Variants in GRIK3 observed in about 807,000 individuals in gnomAD.
GRIK3 encodes the protein glutamate receptor ionotropic, kainate 3.
Under a neutral mutation model 102.5 loss-of-function variants are expected in GRIK3, and 29 were observed. The observed-to-expected ratio is 0.28, with a 90% CI of 0.21 to 0.39. The LOEUF is 0.39. Among genes scored for constraint, GRIK3 ranks in the 10% least tolerant of loss-of-function variants. The pLI, the probability that GRIK3 is intolerant of heterozygous loss-of-function variation, is 1.00. For synonymous variants in GRIK3, 511 were observed against 504.9 expected (o/e 1.01, Z -0.16); for missense variants, 908 against 1,252.4 (o/e 0.73, Z 4.15).
intron 10 of GRIK3, among the ~76,000 whole-genome samples, chr1:36,838,357 C>T (rs536919935): frequency 1.3e-4 from 20 of 152,124 alleles, no homozygotes; most frequent in African/African-American, 4.3e-4. Context: ...ATTTAAGGTA[C>T]GGATGTGAGT....
rs897554387 is a variant in GRIK3 at position 36,937,326 on chromosome 1, C to T, written c.116-46230G>A. 1.4e-4 allele frequency among the ~76,000 whole-genome samples: 21 copies of T among 152,210 alleles called. 1 individual carries two copies. The highest frequency in any genetic ancestry group is 7.8e-4 in the Admixed American group (12 of 15,288). On this transcript the variant is annotated intron_variant, in intron 1 of 15. Transcript: ENST00000373091. ...CCTAGATGGCTAAGGACAGCCACCA[C>T]GTTCATGGAAGTGGGAAAGTTGAGA...
chr1:36,980,068 T>A (rs1206082965), intron 1 of GRIK3, among the ~76,000 whole-genome samples: 2 of 152,170 alleles, frequency 1.3e-5, no homozygotes, highest in East Asian at 3.9e-4. Flanking sequence ...TCCCTGTGTC[T>A]TTTCCTAGTA....
chr1:37,011,977 A>G (rs1316467808), intron 1 of GRIK3, among the ~76,000 whole-genome samples: 1 of 152,118 alleles, frequency 6.6e-6, no homozygotes, highest in East Asian at 1.9e-4. Context: ...CACCTCCCCC[A>G]TGCCTTGGGC....
chr1:36,906,126 G>T (rs2124289482), intron 1 of GRIK3, among the ~76,000 whole-genome samples: 1 of 152,322 alleles, frequency 6.6e-6, no homozygotes, highest in South Asian at 2.1e-4. Flanking sequence ...GATACCAAAA[G>T]AAGTCAGCAC....
chr1:36,999,136 C>A (rs371345644), intron 1 of GRIK3, among the ~76,000 whole-genome samples: 4 of 151,866 alleles, frequency 2.6e-5, no homozygotes, highest in African/African-American at 9.7e-5. Context: ...AAGTGCCCAA[C>A]GTTGGAGCTC....
At position 36,966,680 on chromosome 1, in the gene GRIK3, T is replaced by C. The variant is rs572016452; in HGVS notation, c.115+67314A>G. Among the ~76,000 whole-genome samples, 5 of 152,020 alleles carry C rather than the reference T, an allele frequency of 3.3e-5. No homozygotes were observed. The East Asian group carries it at 9.6e-4, about 29-fold the overall frequency. On this transcript the variant is annotated intron_variant, in intron 1 of 15. Transcript: ENST00000373091. The stretch of plus-strand genomic sequence containing the variant: ...GTCTCTGGACACCGAGAGATCACTC[T>C]GAATACCACTGAATCCTTGATGGAT...
intron 5 of GRIK3, among the ~76,000 whole-genome samples, chr1:36,862,350 A>T (rs1372898867): frequency 6.6e-6 from 1 of 151,756 alleles, no homozygotes; most frequent in Admixed American, 6.6e-5. Flanking sequence ...TGACTGATGC[A>T]TCGTTGATTG....
chr1:37,018,188 C>G (rs558192364), intron 1 of GRIK3, among the ~76,000 whole-genome samples: 2 of 152,320 alleles, frequency 1.3e-5, no homozygotes, highest in South Asian at 4.1e-4. Flanking sequence ...CCTTTCTCTG[C>G]TGCAAAACTC....
intron 1 of GRIK3, among the ~76,000 whole-genome samples, chr1:36,971,348 T>C (rs1001403403): frequency 1.3e-5 from 2 of 152,148 alleles, no homozygotes; most frequent in African/African-American, 2.4e-5. Context: ...GCCTTTGCCG[T>C]AGAATTGAAT....
At chr1:36,919,461 G>A (rs915540454) in intron 1 of GRIK3, among the ~76,000 whole-genome samples, 4 of 151,870 alleles carry the variant, frequency 2.6e-5, no homozygotes, top group South Asian at 2.1e-4. Context: ...ATGCTGGTGC[G>A]CTGCTTTAAA....
At chr1:36,984,801 C>G (rs541124191) in intron 1 of GRIK3, among the ~76,000 whole-genome samples, 1 of 152,180 alleles carries the variant, frequency 6.6e-6, no homozygotes, top group South Asian at 2.1e-4. Context: ...AGAGCCCAGG[C>G]CAGAAGGGCT....
In GRIK3 at chr1:36,919,798, G is replaced by A. The variant is rs1428862985; in HGVS notation, c.116-28702C>T. Among the ~76,000 whole-genome samples, 4 of 152,238 alleles carry A rather than the reference G, an allele frequency of 2.6e-5. No homozygotes were observed. In the East Asian group the frequency reaches 5.8e-4, roughly 22 times the overall value. ...CTGCAGTGGAGGACTGGAGAGTTTTGTAGGAGAACTCAGTGCCCATGGCCC... is the reference window on the plus strand; with the variant it reads ...CTGCAGTGGAGGACTGGAGAGTTTTATAGGAGAACTCAGTGCCCATGGCCC... On this transcript the variant is annotated intron_variant, in intron 1 of 15. Transcript: ENST00000373091.
chr1:36,863,625 C>T (rs1325204575), intron 5 of GRIK3, among the ~76,000 whole-genome samples: 1 of 152,124 alleles, frequency 6.6e-6, no homozygotes, highest in African/African-American at 2.4e-5. Context: ...TCTTCTTGAC[C>T]TCTCTTGGGT....
chr1:36,802,405 A>G (rs1642452292), intron 15 of GRIK3, among the ~76,000 whole-genome samples: 2 of 152,040 alleles, frequency 1.3e-5, no homozygotes, highest in South Asian at 4.1e-4. Flanking sequence ...TTTCATCCCC[A>G]TGGGCCCAAC....
chr1:36,934,897 C>T (rs1021652829), intron 1 of GRIK3, among the ~76,000 whole-genome samples: 5 of 152,230 alleles, frequency 3.3e-5, no homozygotes, highest in Non-Finnish European at 7.3e-5. Flanking sequence ...TGGCTCCCCT[C>T]TCTGGCACCT....
At chr1:36,945,719 G>A (rs1447015986) in intron 1 of GRIK3, among the ~76,000 whole-genome samples, 1 of 152,198 alleles carries the variant, frequency 6.6e-6, no homozygotes, top group African/African-American at 2.4e-5. Context: ...TCAGCACGCT[G>A]TCCCTGAGAG....
intron 1 of GRIK3, among the ~76,000 whole-genome samples, chr1:36,911,762 G>A (rs1265945022): frequency 6.6e-6 from 1 of 152,118 alleles, no homozygotes; most frequent in African/African-American, 2.4e-5. Context: ...CATCAGGCAG[G>A]AGGAGCAGGA....
intron 1 of GRIK3, among the ~76,000 whole-genome samples, chr1:36,934,683 C>T (rs535342129): frequency 3.9e-5 from 6 of 152,310 alleles, no homozygotes; most frequent in African/African-American, 1.4e-4. Context: ...GCTGGGGCCT[C>T]GCTTATCCCT....
At chr1:36,826,763 G>T (rs1469303232) in intron 10 of GRIK3, among the ~76,000 whole-genome samples, 5 of 152,066 alleles carry the variant, frequency 3.3e-5, no homozygotes, top group Non-Finnish European at 5.9e-5. Flanking sequence ...GGAAAAGAAG[G>T]GGGTGGGGTA....
Sources: allele counts gnomAD v4.1 joint callset (sites outside exome capture counted in the v4.1 genomes callset), GRCh38; gene constraint gnomAD v4.1.1; transcripts MANE v1.5; gene names NCBI Gene and HGNC (gene_info 2026-07-23, HGNC 2026-07-21).